Variants in PIP5K1B observed in about 807,000 individuals in gnomAD.
The protein encoded by PIP5K1B is phosphatidylinositol-4-phosphate 5-kinase type 1 beta.
A neutral mutation model predicts 67.0 loss-of-function variants in PIP5K1B; 42 were observed. The observed-to-expected ratio is 0.63, with a 90% CI of 0.49 to 0.81. The LOEUF is 0.81. Among genes scored for constraint, PIP5K1B ranks in the 30% least tolerant of loss-of-function variants. The pLI is 0.00. For missense variants in PIP5K1B, 459 were observed against 646.3 expected (o/e 0.71, Z 3.14); for synonymous variants, 214 against 231.4 (o/e 0.92, Z 0.68).
chr9:68,919,558 T>G lies in PIP5K1B; in HGVS notation c.1063T>G (p.Tyr355Asp). The G allele has an allele frequency of 6.4e-7, 1 of 1,570,582 alleles. No homozygotes were observed. Among genetic ancestry groups the G allele is most frequent in the Non-Finnish European group, 8.7e-7 (1 of 1,144,806 alleles). ...FMGIIDILQSYRLMKKLEHSW... is the reference protein window; with the variant it reads ...FMGIIDILQSDRLMKKLEHSW... ...GGGCATTATTGACATTCTGCAATCATATAGGTAAGAAGTTTGAGGAGTGGT... is the reference window on the plus strand; with the variant it reads ...GGGCATTATTGACATTCTGCAATCAGATAGGTAAGAAGTTTGAGGAGTGGT... The change falls in exon 10 of 16, where the codon TAT (tyrosine) becomes GAT (aspartate). Residue 355 changes from tyrosine (Y) to aspartate (D), a missense_variant. By Grantham distance (160) the Tyr-to-Asp change is radical. Transcript: ENST00000265382.
intron 2 of PIP5K1B, among the ~76,000 whole-genome samples, chr9:68,815,870 C>T (rs1456054987): frequency 6.6e-6 from 1 of 151,782 alleles, no homozygotes; most frequent in Non-Finnish European, 1.5e-5. Flanking sequence ...ATTTATATTT[C>T]ACTTTATTTA....
At chr9:68,993,432 C>T (rs1199528046) in intron 15 of PIP5K1B, among the ~76,000 whole-genome samples, 1 of 152,082 alleles carries the variant, frequency 6.6e-6, no homozygotes, top group African/African-American at 2.4e-5. Flanking sequence ...TTTTCTTGAC[C>T]GCCCCCTACG....
intron 2 of PIP5K1B, among the ~76,000 whole-genome samples, chr9:68,773,331 T>C (rs927221169): frequency 2.0e-5 from 3 of 152,170 alleles, no homozygotes; most frequent in Admixed American, 6.5e-5. Context: ...GATTGTATTC[T>C]TCGATTATGG....
chr9:68,769,206 T>C (rs543416284), intron 2 of PIP5K1B, among the ~76,000 whole-genome samples: 1 of 152,346 alleles, frequency 6.6e-6, no homozygotes, highest in African/African-American at 2.4e-5. Flanking sequence ...ATTCTTTCTT[T>C]TGAATTCTGA....
intron 8 of PIP5K1B, among the ~76,000 whole-genome samples, chr9:68,898,051 C>T (rs949370231): frequency 6.6e-6 from 1 of 152,138 alleles, no homozygotes; most frequent in Non-Finnish European, 1.5e-5. Context: ...TGTGGCAGCC[C>T]CTGAGTCCCT....
chr9:68,935,188 C>T (rs181075220), intron 13 of PIP5K1B, 143 bp downstream of exon 13: 268 of 678,342 alleles, frequency 4.0e-4, no homozygotes, highest in Admixed American at 6.8e-4. Context: ...CTGCAGTGGC[C>T]GGGCGCAGTG....
intron 15 of PIP5K1B, among the ~76,000 whole-genome samples, chr9:69,005,216 T>C (rs1368950582): frequency 6.6e-6 from 1 of 152,134 alleles, no homozygotes; most frequent in Non-Finnish European, 1.5e-5. Flanking sequence ...GAGGAGAGTA[T>C]CTTTTATTAT....
At chr9:68,796,419 G>T (rs374064056) in intron 2 of PIP5K1B, among the ~76,000 whole-genome samples, 1 of 152,018 alleles carries the variant, frequency 6.6e-6, no homozygotes, top group South Asian at 2.1e-4. Context: ...ATTCAACTTT[G>T]TTCATTCTTA....
At chr9:68,741,103 G>T (rs11143589) in intron 1 of PIP5K1B, among the ~76,000 whole-genome samples, 65,635 of 151,924 alleles carry the variant, frequency 0.43, 15,163 homozygotes, top group African/African-American at 0.61. Flanking sequence ...TTTCATTCTC[G>T]AACACAGATA....
chr9:68,884,098 T>C (rs1408667504), intron 6 of PIP5K1B, among the ~76,000 whole-genome samples: 1 of 152,090 alleles, frequency 6.6e-6, no homozygotes, highest in Non-Finnish European at 1.5e-5. Flanking sequence ...TAGGCAGTGA[T>C]TTCCTGAATG....
chr9:68,838,517 T>G (rs1265141842), intron 4 of PIP5K1B, among the ~76,000 whole-genome samples: 1 of 152,248 alleles, frequency 6.6e-6, no homozygotes, highest in East Asian at 1.9e-4. Flanking sequence ...TGTTGTCTTT[T>G]AGCTTGAAAC....
intron 2 of PIP5K1B, chr9:68,783,276 C>T (rs1418505983): frequency 6.0e-6 from 1 of 166,852 alleles, no homozygotes; most frequent in Non-Finnish European, 1.5e-5. Context: ...CAGTATACAT[C>T]TTTCCTTCTT....
At chr9:68,924,715 T>C (rs547987699) in intron 12 of PIP5K1B, among the ~76,000 whole-genome samples, 1 of 152,306 alleles carries the variant, frequency 6.6e-6, no homozygotes, top group East Asian at 1.9e-4. Flanking sequence ...AATTTAGCCA[T>C]ACACAACTGA....
chr9:68,967,159 C>T (rs968035592), intron 14 of PIP5K1B, among the ~76,000 whole-genome samples: 1 of 152,166 alleles, frequency 6.6e-6, no homozygotes, highest in African/African-American at 2.4e-5. Flanking sequence ...GTAGTTGTTT[C>T]AACCTATGAA....
intron 2 of PIP5K1B, among the ~76,000 whole-genome samples, chr9:68,801,447 A>C (rs1339756657): frequency 6.6e-6 from 1 of 152,180 alleles, no homozygotes; most frequent in Non-Finnish European, 1.5e-5. Flanking sequence ...AAGAGGGTAC[A>C]TGTAATACTG....
intron 11 of PIP5K1B, among the ~76,000 whole-genome samples, chr9:68,920,483 T>A (rs1826326123): frequency 7.0e-6 from 1 of 142,776 alleles, no homozygotes; most frequent in Non-Finnish European, 1.5e-5. Flanking sequence ...TTCTCTTACC[T>A]CACCCTCCTG....
At chr9:68,949,988 G>A (rs1454908770) in intron 14 of PIP5K1B, among the ~76,000 whole-genome samples, 2 of 152,178 alleles carry the variant, frequency 1.3e-5, no homozygotes, top group Non-Finnish European at 2.9e-5. Flanking sequence ...TATAGTTATC[G>A]ATGTACAGAA....
chr9:68,780,546 G>A (rs149816307), intron 2 of PIP5K1B: 18 of 1,614,096 alleles, frequency 1.1e-5, no homozygotes, highest in African/African-American at 1.1e-4. Flanking sequence ...TGACAACGAC[G>A]TGGAGAAATC....
intron 14 of PIP5K1B, among the ~76,000 whole-genome samples, chr9:68,941,958 G>A (rs1362198572): frequency 3.3e-5 from 5 of 152,170 alleles, no homozygotes; most frequent in Non-Finnish European, 5.9e-5. Context: ...AGATCAAGTG[G>A]GTAGCAAGGT....
Sources: allele counts gnomAD v4.1 joint callset (sites outside exome capture counted in the v4.1 genomes callset), GRCh38; gene constraint gnomAD v4.1.1; transcripts MANE v1.5; gene names NCBI Gene and HGNC (gene_info 2026-07-23, HGNC 2026-07-21).